SORCS2: variants seen among roughly 807,000 people sequenced by gnomAD.
The protein encoded by SORCS2 is sortilin related VPS10 domain containing receptor 2.
Under a neutral mutation model 141.6 loss-of-function variants are expected in SORCS2, and 100 were observed. The observed-to-expected ratio is 0.71, with a 90% confidence interval of 0.60 to 0.83. The LOEUF (loss-of-function observed/expected upper bound fraction) is 0.83, where lower values mean the gene tolerates loss of function less well. SORCS2 is among the 40% of genes least tolerant of loss of function. The pLI is 0.00. For missense variants in SORCS2, 1,646 were observed against 1,560.2 expected (o/e 1.05, Z -0.93); for synonymous variants, 789 against 676.9 (o/e 1.17, Z -2.57).
At chr4:7,273,487 G>A (rs1015848842) in intron 1 of SORCS2, among the ~76,000 whole-genome samples, 5 of 152,172 alleles carry the variant, frequency 3.3e-5, no homozygotes, top group Non-Finnish European at 7.4e-5. Context: ...GGCCAGAAAG[G>A]AGGCTGAGGC....
chr4:7,226,508 G>C (rs996303322), intron 1 of SORCS2, among the ~76,000 whole-genome samples: 7 of 152,260 alleles, frequency 4.6e-5, no homozygotes, highest in African/African-American at 1.7e-4. Flanking sequence ...GGGTTGGGGG[G>C]AATGTATGAG....
chr4:7,319,280 T>G (rs2108940115), intron 1 of SORCS2, among the ~76,000 whole-genome samples: 1 of 152,330 alleles, frequency 6.6e-6, no homozygotes. Flanking sequence ...GCTTCCTCTT[T>G]CATCAGGCTC....
intron 1 of SORCS2, among the ~76,000 whole-genome samples, chr4:7,373,474 ATATATTTTTTT>A (rs1323461212): frequency 5.7e-5 from 3 of 52,448 alleles, no homozygotes; most frequent in East Asian, 1.5e-3. Context: ...ATATATATAT[ATATATTTTTTT>A]TTTTTTTTTT....
chr4:7,210,873 C>T (rs1196278403), intron 1 of SORCS2, among the ~76,000 whole-genome samples: 1 of 152,306 alleles, frequency 6.6e-6, no homozygotes, highest in African/African-American at 2.4e-5. Context: ...CCTGAGCCCC[C>T]AACAAGAGAA....
intron 3 of SORCS2, among the ~76,000 whole-genome samples, chr4:7,605,073 A>G (rs1043687354): frequency 6.6e-6 from 1 of 152,204 alleles, no homozygotes; most frequent in Non-Finnish European, 1.5e-5. Context: ...AATCTGGAGG[A>G]GGTCAGCATG....
chr4:7,474,106 C>T (rs1043409437), intron 2 of SORCS2, among the ~76,000 whole-genome samples: 4 of 152,174 alleles, frequency 2.6e-5, no homozygotes, highest in African/African-American at 7.2e-5. Context: ...CTGTGGTTGT[C>T]TTTGCTCACC....
In SORCS2 at chr4:7,531,674, T is replaced by C. The variant is rs376682364; in HGVS notation, c.648+45T>C. On this transcript the variant is annotated intron_variant, in intron 3 of 26. Transcript: ENST00000507866. ...GGCCGCCACTCTGGCTCTCGCCTTG[T>C]GCCGCTCACTCTGCAGAGCAAGGAA... 184 of 1,567,452 alleles carry C rather than the reference T, an allele frequency of 1.2e-4. 1 individual carries two copies. In the African/African-American group the frequency reaches 2.2e-3, roughly 19 times the overall value.
intron 2 of SORCS2, among the ~76,000 whole-genome samples, chr4:7,408,683 A>G (rs1357067401): frequency 6.6e-6 from 1 of 152,198 alleles, no homozygotes; most frequent in Non-Finnish European, 1.5e-5. Context: ...ATTTCTTTGA[A>G]TAAGATTCCT....
Position 7,199,678 on chromosome 4 carries a change from G to T in SORCS2, c.480+6552G>T, listed in dbSNP as rs149427650. 1.5e-3 allele frequency among the ~76,000 whole-genome samples: 229 copies of T among 152,094 alleles called. 1 individual carries two copies. In the Middle Eastern group the frequency reaches 0.037, roughly 25 times the overall value. Reference sequence around the variant, plus strand: ...GACCCGCTTCCCTGGCCTGGGTGGGGCGGGCCATTCTGGGAAGGCAGAATA... The same window carrying T: ...GACCCGCTTCCCTGGCCTGGGTGGGTCGGGCCATTCTGGGAAGGCAGAATA... On this transcript the variant is annotated intron_variant, in intron 1 of 26. Transcript: ENST00000507866.
chr4:7,564,404 CTG>C (rs1298083671), intron 3 of SORCS2, among the ~76,000 whole-genome samples: 3 of 152,138 alleles, frequency 2.0e-5, no homozygotes, highest in Non-Finnish European at 4.4e-5. Context: ...GTGTGTGTCT[CTG>C]TGTCCAAATT....
intron 19 of SORCS2, among the ~76,000 whole-genome samples, chr4:7,724,760 T>TGGTGG (rs1727023634): frequency 1.9e-4 from 2 of 10,370 alleles, no homozygotes; most frequent in Admixed American, 1.3e-3. Flanking sequence ...GGTGGTGGTG[T>TGGTGG]TGGTGATGAT....
chr4:7,674,390 A>C (rs1035333118), intron 8 of SORCS2, among the ~76,000 whole-genome samples: 3 of 151,238 alleles, frequency 2.0e-5, no homozygotes, highest in Non-Finnish European at 4.4e-5. Flanking sequence ...TGGCTAACAC[A>C]GTGAAACCCC....
chr4:7,565,101 C>T (rs1420559866), intron 3 of SORCS2, among the ~76,000 whole-genome samples: 1 of 152,180 alleles, frequency 6.6e-6, no homozygotes, highest in Non-Finnish European at 1.5e-5. Flanking sequence ...CAAGGGCTTC[C>T]TGGCATTTCT....
At chr4:7,273,721 A>G (rs1242553415) in intron 1 of SORCS2, among the ~76,000 whole-genome samples, 1 of 152,212 alleles carries the variant, frequency 6.6e-6, no homozygotes, top group Non-Finnish European at 1.5e-5. Flanking sequence ...TGTGACTTCA[A>G]TGTGGATTTG....
rs867820174 is a variant in SORCS2 at position 7,403,975 on chromosome 4, A to G, written c.548+7620A>G. ...CCTCCATGTGTGTATATATATATAT[A>G]TATATATATATATATATATATATTT... is the stretch of plus-strand genomic sequence containing the variant. On this transcript the variant is annotated intron_variant, in intron 2 of 26. Transcript: ENST00000507866. Among the ~76,000 whole-genome samples, 156 of 44,028 alleles carry G rather than the reference A, an allele frequency of 3.5e-3. 6 individuals are homozygous for G. The East Asian group carries it at 0.1, about 28-fold the overall frequency. 28.9% of individuals were successfully genotyped at this position (44,028 alleles called of 152,430 possible). A position where few individuals can be genotyped will look rare whatever the true frequency, so the allele number is the denominator to read the frequency against.
chr4:7,458,317 T>C (rs909064050), intron 2 of SORCS2, among the ~76,000 whole-genome samples: 4 of 152,034 alleles, frequency 2.6e-5, no homozygotes, highest in African/African-American at 9.7e-5. Context: ...CACTGAGGGT[T>C]GTTGAGCAGG....
At chr4:7,257,899 G>A (rs1451377114) in intron 1 of SORCS2, among the ~76,000 whole-genome samples, 1 of 152,200 alleles carries the variant, frequency 6.6e-6, no homozygotes, top group Non-Finnish European at 1.5e-5. Flanking sequence ...TGGGGGATGG[G>A]TTCCTGCAAC....
At chr4:7,291,327 G>A (rs935286592) in intron 1 of SORCS2, among the ~76,000 whole-genome samples, 1 of 152,162 alleles carries the variant, frequency 6.6e-6, no homozygotes, top group Non-Finnish European at 1.5e-5. Context: ...ATGACTGCAG[G>A]TGCAGACGGG....
chr4:7,702,132 T>G (rs571709677), intron 12 of SORCS2, among the ~76,000 whole-genome samples: 1 of 152,184 alleles, frequency 6.6e-6, no homozygotes, highest in Non-Finnish European at 1.5e-5. Context: ...CTGAGACGGA[T>G]GAGCGTGCTG....
Sources: gnomAD v4.1 joint callset for allele counts (sites outside exome capture counted in the v4.1 genomes callset) on GRCh38, gnomAD v4.1.1 for gene constraint, MANE v1.5 for transcripts, NCBI Gene and HGNC (gene_info 2026-07-23, HGNC 2026-07-21) for gene names.